CPT1A: variants seen among roughly 807,000 people sequenced by gnomAD.
CPT1A encodes carnitine palmitoyltransferase 1A.
Under a neutral mutation model 100.8 loss-of-function variants are expected in CPT1A, and 64 were observed. That is an observed-to-expected ratio of 0.63 (90% CI 0.52 to 0.78). The LOEUF (loss-of-function observed/expected upper bound fraction) is 0.78. CPT1A is among the 30% of genes least tolerant of loss of function. CPT1A has a pLI of 0.00. For synonymous variants in CPT1A, 363 were observed against 396.0 expected, an observed-to-expected ratio of 0.92 and a Z score of 0.99; for missense variants, 802 against 1,034.1, an observed-to-expected ratio of 0.78 and a Z score of 3.08.
chr11:68,800,838 G>C (rs1195295973), intron 5 of CPT1A, among the ~76,000 whole-genome samples: 2 of 152,164 alleles, frequency 1.3e-5, no homozygotes, highest in East Asian at 3.9e-4. Flanking sequence ...GCTGTAGCTG[G>C]GCACGGTGGC....
rs567109619 is a variant in CPT1A, at chr11:68,816,372, T to C, written c.-13-885A>G. ...CCACAGACGGAGCGGGCCTTCTTCCTTGGAGGCAGCGGCTGAAACGGAACG... is the reference window on the plus strand; with the variant it reads ...CCACAGACGGAGCGGGCCTTCTTCCCTGGAGGCAGCGGCTGAAACGGAACG... On this transcript the variant is annotated intron_variant, in intron 1 of 18. Coordinates refer to ENST00000265641, the MANE Select transcript of CPT1A (RefSeq NM_001876.4). Among the ~76,000 whole-genome samples, 3 of 152,290 alleles carry C rather than the reference T, an allele frequency of 2.0e-5. 1 individual carries two copies. In the South Asian group the frequency reaches 6.2e-4, roughly 32 times the overall value.
intron 15 of CPT1A, among the ~76,000 whole-genome samples, chr11:68,762,163 C>T (rs1854645207): frequency 6.6e-6 from 1 of 152,204 alleles, no homozygotes; most frequent in Non-Finnish European, 1.5e-5. Context: ...CTCAGGACCA[C>T]TGCTAAGAAA....
intron 13 of CPT1A, 143 bp downstream of exon 13, chr11:68,775,173 C>G: frequency 1.4e-6 from 1 of 715,344 alleles, no homozygotes; most frequent in Non-Finnish European, 2.5e-6. Context: ...CACGGAACTC[C>G]CTGAGCAAAC....
chr11:68,812,455 T>A lies in CPT1A; in HGVS notation c.263A>T (p.Asn88Ile), dbSNP rs781040444. The A allele has an allele frequency of 1.9e-6, 3 of 1,614,214 alleles. No homozygotes were observed. In the African/African-American group the frequency reaches 4.0e-5, roughly 22 times the overall value. Residue 88 changes from asparagine (N) to isoleucine (I), a missense_variant, in exon 3 of 19, where the codon AAT becomes ATT. Around this residue, in one of 4 missense-constraint regions of CPT1A, gnomAD observed 161 missense variants for 183.7 expected, o/e 0.88. Transcript: ENST00000265641. ...TACTTACGCCGTTTCCAGAGTCCGA[T>A]TGATTTTTGCAATTATTCCTAACGA... The part of the protein sequence containing the change: ...DPSLGIIAKI[N>I]RTLETANCMS...
At chr11:68,798,416 C>T (rs970107735) in intron 6 of CPT1A, among the ~76,000 whole-genome samples, 1 of 152,204 alleles carries the variant, frequency 6.6e-6, no homozygotes, top group Non-Finnish European at 1.5e-5. Flanking sequence ...TCTAGCGCCA[C>T]CTGCTGGTTC....
intron 10 of CPT1A, among the ~76,000 whole-genome samples, chr11:68,784,387 C>G (rs901175994): frequency 1.3e-5 from 2 of 152,056 alleles, no homozygotes; most frequent in Admixed American, 6.6e-5. Flanking sequence ...ATGGTGAAAC[C>G]CTGTCTCTAC....
At chr11:68,799,463 T>G in intron 5 of CPT1A, 108 bp from the exon 6 acceptor site, 1 of 1,277,214 alleles carries the variant, frequency 7.8e-7, no homozygotes, top group Non-Finnish European at 1.1e-6. Flanking sequence ...TTGAAAAGGT[T>G]TTAGGCTGGG....
rs60240287 is a variant in CPT1A, at chr11:68,809,866, G to A, written c.282-2228C>T. On this transcript the variant is annotated intron_variant, in intron 3 of 18. Transcript: ENST00000265641. ...ATATATAATCCAGTTTTAAGAGAGC[G>A]CCTACACTAGAGAGTAAATTAAAGA... 5.2e-3 allele frequency among the ~76,000 whole-genome samples: 790 copies of A among 152,324 alleles called. 5 individuals carry two copies. Among genetic ancestry groups the A allele is most frequent in the African/African-American group, 0.018 (748 of 41,578 alleles).
chr11:68,769,824 G>A (rs1043103992), intron 14 of CPT1A, among the ~76,000 whole-genome samples: 3 of 152,032 alleles, frequency 2.0e-5, no homozygotes, highest in African/African-American at 7.2e-5. Context: ...TGAGGCAGGC[G>A]GATCACTTGA....
intron 6 of CPT1A, 109 bp from the exon 7 acceptor site, chr11:68,797,042 A>C (rs942073623): frequency 9.6e-7 from 1 of 1,039,206 alleles, no homozygotes; most frequent in Middle Eastern, 2.0e-4. Flanking sequence ...TTTGGCAGAC[A>C]TTTCGGCGTC....
chr11:68,832,338 T>C (rs980727415), intron 1 of CPT1A, among the ~76,000 whole-genome samples: 4 of 152,188 alleles, frequency 2.6e-5, no homozygotes, highest in South Asian at 2.1e-4. Flanking sequence ...TAGTCCCAGA[T>C]ACTAGGGAAA....
chr11:68,810,947 C>A (rs374831299), intron 3 of CPT1A, among the ~76,000 whole-genome samples: 1 of 151,964 alleles, frequency 6.6e-6, no homozygotes, highest in Non-Finnish European at 1.5e-5. Context: ...ATCGCACCAT[C>A]GCACTCCAGC....
intron 14 of CPT1A, among the ~76,000 whole-genome samples, chr11:68,772,130 T>C (rs959808628): frequency 5.9e-5 from 9 of 152,166 alleles, no homozygotes; most frequent in African/African-American, 2.2e-4. Flanking sequence ...GGCGGGTGGA[T>C]CACCTGAAGC....
At chr11:68,842,012 G>A (rs891800720), upstream of CPT1A, 26 of 969,500 alleles carry the variant, frequency 2.7e-5, no homozygotes, top group Non-Finnish European at 2.8e-5. Flanking sequence ...CGTCCGCGGG[G>A]CTAGGAGGGG....
intron 14 of CPT1A, among the ~76,000 whole-genome samples, chr11:68,766,684 C>T (rs1336405135): frequency 6.6e-6 from 1 of 151,966 alleles, no homozygotes; most frequent in Non-Finnish European, 1.5e-5. Flanking sequence ...GGCAGGGTTT[C>T]ACCATGATGG....
At chr11:68,790,436 C>T (rs1417413276) in intron 9 of CPT1A, among the ~76,000 whole-genome samples, 3 of 152,028 alleles carry the variant, frequency 2.0e-5, no homozygotes, top group East Asian at 1.9e-4. Flanking sequence ...TAGGGTGGAC[C>T]CCAAATCCAA....
intron 1 of CPT1A, among the ~76,000 whole-genome samples, chr11:68,816,715 G>A (rs1436465168): frequency 3.3e-5 from 5 of 151,894 alleles, no homozygotes; most frequent in African/African-American, 1.2e-4. Context: ...GAAGCTAAGA[G>A]GAAAAAACTT....
At chr11:68,799,172 T>C (rs1411377135) in intron 6 of CPT1A, 46 bp downstream of exon 6, 1 of 473,154 alleles carries the variant, frequency 2.1e-6, no homozygotes, top group Non-Finnish European at 3.2e-6. Flanking sequence ...ATTAGCGTCT[T>C]CATACGGAAA....
At chr11:68,836,541 G>A (rs550370639) in intron 1 of CPT1A, among the ~76,000 whole-genome samples, 19 of 152,180 alleles carry the variant, frequency 1.2e-4, no homozygotes, top group Non-Finnish European at 2.1e-4. Context: ...GGGAGGGTGA[G>A]TCAGGCAGAT....
Sources: allele counts gnomAD v4.1 joint callset (sites outside exome capture counted in the v4.1 genomes callset), GRCh38; gene constraint gnomAD v4.1.1; regional missense constraint gnomAD v4.1.1; transcripts MANE v1.5; gene names NCBI Gene and HGNC (gene_info 2026-07-23, HGNC 2026-07-21).